The following STK32B variants were observed in gnomAD, a reference collection of about 807,000 sequenced individuals.
The protein encoded by STK32B is serine/threonine-protein kinase 32B.
Under a neutral mutation model 52.6 loss-of-function variants are expected in STK32B, and 43 were observed. The ratio of observed to expected loss-of-function variants is 0.82; its 90% CI spans 0.64 to 1.05. The LOEUF (loss-of-function observed/expected upper bound fraction) is 1.05, where lower values mean the gene tolerates loss of function less well. STK32B is among the 50% of genes least tolerant of loss of function. The pLI, the probability that STK32B is intolerant of heterozygous loss-of-function variation, is 0.00. For missense variants in STK32B, 621 were observed against 534.6 expected, an observed-to-expected ratio of 1.16 and a Z score of -1.59; for synonymous variants, 238 against 204.3, an observed-to-expected ratio of 1.17 and a Z score of -1.41.
intron 3 of STK32B, among the ~76,000 whole-genome samples, chr4:5,307,450 T>G (rs1729995756): frequency 6.6e-6 from 1 of 152,162 alleles, no homozygotes; most frequent in African/African-American, 2.4e-5. Context: ...CCAGTGCATT[T>G]TGCATTTCTC....
At chr4:5,228,394 A>G (rs1724018041) in intron 3 of STK32B, among the ~76,000 whole-genome samples, 1 of 152,200 alleles carries the variant, frequency 6.6e-6, no homozygotes, top group Admixed American at 6.5e-5. Flanking sequence ...TTTTCACGCA[A>G]CAGGGACACC....
At chr4:5,404,364 T>A (rs1445742699) in intron 5 of STK32B, among the ~76,000 whole-genome samples, 1 of 152,006 alleles carries the variant, frequency 6.6e-6, no homozygotes, top group African/African-American at 2.4e-5. Context: ...CGTGTCGGCG[T>A]CCAAATTTCT....
At chr4:5,292,003 T>C (rs768623755) in intron 3 of STK32B, among the ~76,000 whole-genome samples, 8 of 152,174 alleles carry the variant, frequency 5.3e-5, no homozygotes. Flanking sequence ...ACGTTTTCTT[T>C]ATTCAGTCCA....
intron 2 of STK32B, among the ~76,000 whole-genome samples, chr4:5,162,381 G>A (rs972847656): frequency 2.6e-5 from 4 of 152,114 alleles, no homozygotes; most frequent in African/African-American, 7.2e-5. Context: ...CTGCAGAATC[G>A]ACATTGTCAG....
intron 2 of STK32B, among the ~76,000 whole-genome samples, chr4:5,159,495 T>G (rs1430427038): frequency 6.9e-6 from 1 of 144,528 alleles, no homozygotes; most frequent in African/African-American, 2.5e-5. Context: ...TACATATGAA[T>G]ATATATATGA....
In STK32B at chr4:5,369,899, G is replaced by A. The variant is rs553332412; in HGVS notation, c.435-28308G>A. ...TTGTTTGTTTGTTTTTTTTTGAGAC[G>A]GCGTCTTGCTCTGTCGCCCAGGCTG... On this transcript the variant is annotated intron_variant, in intron 4 of 11. Transcript: ENST00000282908. 1.3e-3 allele frequency among the ~76,000 whole-genome samples: 201 copies of A among 151,046 alleles called. 4 individuals carry two copies. The highest frequency in any genetic ancestry group is 4.2e-3 in the South Asian group (20 of 4,754).
intron 11 of STK32B, among the ~76,000 whole-genome samples, chr4:5,493,884 T>C (rs1233046207): frequency 2.0e-5 from 3 of 152,242 alleles, no homozygotes; most frequent in Non-Finnish European, 4.4e-5. Context: ...TGTAGTTGAG[T>C]GGTTTTGCGT....
intron 3 of STK32B, among the ~76,000 whole-genome samples, chr4:5,295,238 AT>A (rs142159475): frequency 0.14 from 20,786 of 151,626 alleles, 2,853 homozygotes; most frequent in African/African-American, 0.35. Flanking sequence ...AAGTTTTCTT[AT>A]TTTTTTGTTG....
At chr4:5,286,703 T>A (rs904292412) in intron 3 of STK32B, among the ~76,000 whole-genome samples, 1 of 152,126 alleles carries the variant, frequency 6.6e-6, no homozygotes, top group African/African-American at 2.4e-5. Flanking sequence ...TCTGTTGGAA[T>A]TCAAAATAGG....
At chr4:5,178,394 T>G (rs1282144955) in intron 3 of STK32B, among the ~76,000 whole-genome samples, 2 of 152,032 alleles carry the variant, frequency 1.3e-5, no homozygotes, top group African/African-American at 4.8e-5. Context: ...AAACTATTTT[T>G]CCCCCATAGG....
intron 3 of STK32B, among the ~76,000 whole-genome samples, chr4:5,327,312 A>G (rs1731947092): frequency 6.7e-6 from 1 of 149,960 alleles, no homozygotes; most frequent in South Asian, 2.2e-4. Flanking sequence ...TCTTAATGAC[A>G]ATCTAGTATG....
At chr4:5,241,348 T>C (rs575402233) in intron 3 of STK32B, among the ~76,000 whole-genome samples, 12 of 152,140 alleles carry the variant, frequency 7.9e-5, no homozygotes, top group African/African-American at 2.9e-4. Context: ...TTATTTTCGT[T>C]TACAAAAACT....
intron 6 of STK32B, chr4:5,432,441 G>C (rs536526010): frequency 2.6e-5 from 4 of 151,910 alleles, no homozygotes. Flanking sequence ...ACCGTAGATC[G>C]ATGTATTAAT....
chr4:5,300,004 C>T (rs1729451878), intron 3 of STK32B, among the ~76,000 whole-genome samples: 1 of 150,344 alleles, frequency 6.7e-6, no homozygotes, highest in East Asian at 2.0e-4. Context: ...AGCTACAGGC[C>T]GAGATCTCTG....
chr4:5,497,040 T>C (rs1192763576), intron 11 of STK32B, among the ~76,000 whole-genome samples: 1 of 152,200 alleles, frequency 6.6e-6, no homozygotes, highest in East Asian at 1.9e-4. Context: ...AGGCAGTCTT[T>C]GAGTTTTCAA....
rs541212648 is a variant in STK32B at position 5,399,131 on chromosome 4, C to T, written c.472+887C>T. ...AATTGTGGCTGATGCCAACAGGAGA[C>T]TTACAGCCTTCAAAACTAAATTCAC... is the stretch of plus-strand genomic sequence containing the variant. On this transcript the variant is annotated intron_variant, in intron 5 of 11. Transcript: ENST00000282908. This position sits in a 1 kb window ranked among gnomAD's most constrained non-coding sequence, Gnocchi z 5.4. 6.6e-5 allele frequency among the ~76,000 whole-genome samples: 10 copies of T among 152,356 alleles called. No individual in the cohort carries two copies. The highest frequency in any genetic ancestry group is 2.4e-4 in the African/African-American group (10 of 41,590).
chr4:5,335,932 G>C (rs544056574), intron 4 of STK32B, among the ~76,000 whole-genome samples: 2 of 151,494 alleles, frequency 1.3e-5, no homozygotes, highest in South Asian at 2.1e-4. Context: ...GTGTGGTGTG[G>C]TGCTGAAAAC....
chr4:5,256,985 G>A (rs747694098), intron 3 of STK32B, among the ~76,000 whole-genome samples: 4 of 152,204 alleles, frequency 2.6e-5, no homozygotes, highest in Non-Finnish European at 4.4e-5. Flanking sequence ...ATAAGTGGGT[G>A]AGGGGATGAA....
At chr4:5,127,125 C>A in intron 1 of STK32B, 1 of 512,390 alleles carries the variant, frequency 2.0e-6, no homozygotes. Flanking sequence ...CGAGAATAAA[C>A]AAGCTAGGAT....
Sources: gnomAD v4.1 joint callset for allele counts (sites outside exome capture counted in the v4.1 genomes callset) on GRCh38, gnomAD v4.1.1 for gene constraint, Gnocchi (gnomAD v3.1) non-coding constraint, MANE v1.5 for transcripts, NCBI Gene and HGNC (gene_info 2026-07-23, HGNC 2026-07-21) for gene names.